NBEA: variants seen among roughly 807,000 people sequenced by gnomAD.
NBEA encodes neurobeachin.
In NBEA, 44 loss-of-function variants were observed where a neutral mutation model predicts 343.4. The ratio of observed to expected loss-of-function variants is 0.13; its 90% CI spans 0.10 to 0.16. The LOEUF (loss-of-function observed/expected upper bound fraction) is 0.16, where lower values mean the gene tolerates loss of function less well. Among genes scored for constraint, NBEA ranks in the 10% least tolerant of loss-of-function variants. The pLI is 1.00. For missense variants in NBEA, 2,555 were observed against 3,631.3 expected, an observed-to-expected ratio of 0.70 and a Z score of 7.62; for synonymous variants, 1,175 against 1,238.7, an observed-to-expected ratio of 0.95 and a Z score of 1.08.
chr13:35,050,483 CG>C (rs1566210814), intron 6 of NBEA, 88 bp downstream of exon 6: 5 of 1,309,770 alleles, frequency 3.8e-6, no homozygotes, highest in Admixed American at 2.7e-5. Flanking sequence ...TTCTCTTTCA[CG>C]GGTTTTCCTA....
chr13:35,051,195 C>CA (rs1360442627), intron 6 of NBEA, among the ~76,000 whole-genome samples: 3 of 151,860 alleles, frequency 2.0e-5, no homozygotes, highest in Non-Finnish European at 4.4e-5. Flanking sequence ...AGGCTTTGTT[C>CA]CCCTTCCAGG....
chr13:35,550,312 T>A (rs1355806095), intron 41 of NBEA, among the ~76,000 whole-genome samples, 165 bp from the exon 42 acceptor site: 2 of 152,196 alleles, frequency 1.3e-5, no homozygotes, highest in Non-Finnish European at 2.9e-5. Context: ...TAAGACACTT[T>A]AGAAAGGCAG....
At position 34,975,043 on chromosome 13, in the gene NBEA, A is replaced by G. The variant is rs921675735; in HGVS notation, c.294+31929A>G. Among the ~76,000 whole-genome samples the G allele has an allele frequency of 1.3e-4, 20 of 152,278 alleles. 2 individuals carry two copies. The highest frequency in any genetic ancestry group is 9.8e-4 in the Admixed American group (15 of 15,290). ...TTGAGGTAAAGTCCTGTTATCCACA[A>G]TTTACATATGGGGAAAGGAGATTAA... is the stretch of plus-strand genomic sequence containing the variant. On this transcript the variant is annotated intron_variant, in intron 1 of 58. Transcript: ENST00000379939.
At chr13:35,504,363 A>C (rs1414245408) in intron 41 of NBEA, among the ~76,000 whole-genome samples, 1 of 152,126 alleles carries the variant, frequency 6.6e-6, no homozygotes, top group Non-Finnish European at 1.5e-5. Context: ...CCAGTTCTTA[A>C]CTAAAACTGT....
chr13:35,256,858 G>T (rs1200053239), intron 34 of NBEA, among the ~76,000 whole-genome samples: 2 of 152,390 alleles, frequency 1.3e-5, no homozygotes, highest in East Asian at 3.9e-4. Flanking sequence ...GTGGGGGCAA[G>T]GGCTTCCTGC....
chr13:35,290,505 A>G, intron 35 of NBEA, 55 bp downstream of exon 35: 2 of 1,271,544 alleles, frequency 1.6e-6, no homozygotes, highest in South Asian at 2.5e-5. Context: ...TTTGTGACTA[A>G]TAATAAAAAG....
chr13:35,203,097 G>C (rs2152746687), intron 31 of NBEA, among the ~76,000 whole-genome samples: 1 of 152,208 alleles, frequency 6.6e-6, no homozygotes, highest in Non-Finnish European at 1.5e-5. Context: ...TCCCTCCTAA[G>C]ACTATCTGTG....
intron 7 of NBEA, among the ~76,000 whole-genome samples, chr13:35,057,203 C>G: frequency 6.6e-6 from 1 of 152,102 alleles, no homozygotes; most frequent in East Asian, 1.9e-4. Flanking sequence ...AAACACAATT[C>G]ATTTCTCAGT....
At chr13:35,270,974 G>C (rs2034093734) in intron 34 of NBEA, among the ~76,000 whole-genome samples, 1 of 152,238 alleles carries the variant, frequency 6.6e-6, no homozygotes, top group Non-Finnish European at 1.5e-5. Flanking sequence ...GTCCCTGCCT[G>C]ACAGCACCGA....
chr13:35,132,110 T>C (rs749314844), intron 17 of NBEA, among the ~76,000 whole-genome samples: 1 of 152,172 alleles, frequency 6.6e-6, no homozygotes, highest in Non-Finnish European at 1.5e-5. Context: ...AAAGAAGTGA[T>C]AGCATGTTCA....
chr13:34,988,002 C>T (rs1380117473), intron 1 of NBEA, among the ~76,000 whole-genome samples: 1 of 151,082 alleles, frequency 6.6e-6, no homozygotes, highest in African/African-American at 2.4e-5. Flanking sequence ...TCTGTCAGCT[C>T]GTCAAAGTCA....
intron 44 of NBEA, among the ~76,000 whole-genome samples, chr13:35,560,240 G>A (rs886138742): frequency 2.6e-5 from 4 of 152,110 alleles, no homozygotes; most frequent in African/African-American, 7.2e-5. Context: ...TTACTACAGC[G>A]TACTGTTCCA....
intron 48 of NBEA, among the ~76,000 whole-genome samples, chr13:35,615,578 C>G (rs1388405463): frequency 6.6e-6 from 1 of 152,128 alleles, no homozygotes. Context: ...CTCCTGACCT[C>G]AGGTGATCCG....
chr13:35,281,539 G>C (rs1253444737), intron 34 of NBEA, among the ~76,000 whole-genome samples: 1 of 151,982 alleles, frequency 6.6e-6, no homozygotes, highest in African/African-American at 2.4e-5. Flanking sequence ...CATTTTTTTG[G>C]TGATTTATGC....
At chr13:35,389,200 C>T (rs867638497) in intron 38 of NBEA, among the ~76,000 whole-genome samples, 4 of 152,000 alleles carry the variant, frequency 2.6e-5, no homozygotes, top group African/African-American at 9.7e-5. Context: ...AGTCATTTCC[C>T]GTAATTGTAT....
intron 48 of NBEA, among the ~76,000 whole-genome samples, chr13:35,619,918 G>T (rs866469888): frequency 4.0e-4 from 61 of 152,278 alleles, no homozygotes; most frequent in African/African-American, 1.4e-3. Flanking sequence ...CCTACTCTAA[G>T]TGAAGTTAGA....
Position 35,315,255 on chromosome 13 carries a change from A to G in NBEA, c.5903+5663A>G, listed in dbSNP as rs186871874. On this transcript the variant is annotated intron_variant, in intron 36 of 58. Transcript: ENST00000379939. ...CTACACTTTTGAATACAATTCATCA[A>G]TCATAGCTGGAGAAAGCAATTGTGC... Among the ~76,000 whole-genome samples the G allele has an allele frequency of 2.4e-4, 37 of 152,298 alleles. No homozygotes were observed. The East Asian group carries it at 5.6e-3, about 23-fold the overall frequency.
chr13:35,488,130 T>C (rs1181702873), intron 41 of NBEA, among the ~76,000 whole-genome samples: 10 of 151,964 alleles, frequency 6.6e-5, no homozygotes, highest in African/African-American at 1.4e-4. Flanking sequence ...ACTTGACTTA[T>C]AATAATAAGT....
At chr13:35,132,121 T>C (rs2067460230) in intron 17 of NBEA, among the ~76,000 whole-genome samples, 1 of 152,170 alleles carries the variant, frequency 6.6e-6, no homozygotes, top group South Asian at 2.1e-4. Flanking sequence ...AGCATGTTCA[T>C]AGCCAGACTT....
Sources: allele counts gnomAD v4.1 joint callset (sites outside exome capture counted in the v4.1 genomes callset), GRCh38; gene constraint gnomAD v4.1.1; transcripts MANE v1.5; gene names NCBI Gene and HGNC (gene_info 2026-07-23, HGNC 2026-07-21).